The following BICD1 variants were observed in gnomAD, a reference collection of about 807,000 sequenced individuals.
The protein encoded by BICD1 is protein bicaudal D homolog 1.
A neutral mutation model predicts 92.5 loss-of-function variants in BICD1; 35 were observed. That is an observed-to-expected ratio of 0.38 (90% CI 0.29 to 0.50). The LOEUF (loss-of-function observed/expected upper bound fraction) is 0.50. BICD1 is among the 20% of genes least tolerant of loss of function. The pLI is 0.93. For missense variants in BICD1, 950 were observed against 1,189.8 expected (o/e 0.80, Z 2.97); for synonymous variants, 429 against 465.1 (o/e 0.92, Z 1.00).
chr12:32,114,129 C>T (rs957469035), intron 1 of BICD1, among the ~76,000 whole-genome samples: 3 of 152,054 alleles, frequency 2.0e-5, no homozygotes, highest in Admixed American at 6.5e-5. Flanking sequence ...CCTTGGCCTC[C>T]GAAAGTGCTG....
intron 1 of BICD1, among the ~76,000 whole-genome samples, chr12:32,146,465 C>T (rs1416145878): frequency 1.3e-5 from 2 of 152,218 alleles, no homozygotes; most frequent in African/African-American, 4.8e-5. Flanking sequence ...TTCTGAATCT[C>T]AGGATGACTA....
chr12:32,267,603 A>G (rs1004194569), intron 2 of BICD1, among the ~76,000 whole-genome samples: 1 of 152,064 alleles, frequency 6.6e-6, no homozygotes, highest in Non-Finnish European at 1.5e-5. Flanking sequence ...AGTTAAATTT[A>G]TCAATCCTTA....
intron 2 of BICD1, among the ~76,000 whole-genome samples, chr12:32,224,681 TTG>T (rs1440778598): frequency 6.6e-6 from 1 of 152,174 alleles, no homozygotes; most frequent in East Asian, 1.9e-4. Context: ...CATAGAATTT[TTG>T]TGTGTGTGTA....
intron 8 of BICD1, among the ~76,000 whole-genome samples, chr12:32,345,814 T>C (rs1938542752): frequency 1.3e-5 from 2 of 152,192 alleles, no homozygotes; most frequent in Admixed American, 6.5e-5. Context: ...AAACCATATA[T>C]GTAAATTTAA....
intron 2 of BICD1, among the ~76,000 whole-genome samples, chr12:32,249,236 TG>T (rs1946467615): frequency 1.3e-5 from 2 of 152,132 alleles, no homozygotes; most frequent in African/African-American, 2.4e-5. Context: ...ACAAACTCTG[TG>T]GTGCCCTAGG....
intron 8 of BICD1, among the ~76,000 whole-genome samples, chr12:32,352,082 G>A (rs1427759119): frequency 6.6e-6 from 1 of 151,862 alleles, no homozygotes; most frequent in Non-Finnish European, 1.5e-5. Flanking sequence ...GCGGGCGCCT[G>A]TAATCCCAGC....
rs1169577794 is a variant in BICD1, at chr12:32,115,389, T to TTTTG, written c.213+7848_213+7849insGTTT. On this transcript the variant is annotated intron_variant, in intron 1 of 9. Coordinates refer to ENST00000652176, the MANE Select transcript of BICD1 (RefSeq NM_001714.4). ...TTTTTGTGTGTGTGGTGTTTTTGGTTTTTTTTTTTTTGCTGTTTTTCTTCC... is the reference window on the plus strand; with the variant it reads ...TTTTTGTGTGTGTGGTGTTTTTGGTTTTTGTTTTTTTTTTTGCTGTTTTTCTTCC... Among the ~76,000 whole-genome samples, 61 of 31,140 alleles carry TTTTG rather than the reference T, an allele frequency of 2.0e-3. 1 individual carries two copies. Among genetic ancestry groups the TTTTG allele is most frequent in the East Asian group, 0.012 (14 of 1,160 alleles). The allele number at this position is 31,140 out of a possible 152,430, so 20.4% of individuals were successfully genotyped here.
chr12:32,130,975 T>C (rs1020755), intron 1 of BICD1, among the ~76,000 whole-genome samples: 43,932 of 151,814 alleles, frequency 0.29, 6,595 homozygotes, highest in Admixed American at 0.43. Flanking sequence ...GCTGGGACTA[T>C]AGGCATGCAC....
rs149522133 is a variant in BICD1, at chr12:32,112,297, C to T, written c.213+4753C>T. 5.2e-3 allele frequency among the ~76,000 whole-genome samples: 788 copies of T among 152,338 alleles called. 6 individuals carry two copies. The highest frequency in any genetic ancestry group is 0.018 in the African/African-American group (741 of 41,588). On this transcript the variant is annotated intron_variant, in intron 1 of 9. Transcript: ENST00000652176. ...CTGGGATTACAGGCGTGAGCCCCCA[C>T]GCCCAGCCCCTTCTTTTTATTTGAA...
At chr12:32,348,723 A>AAAAAATAT (rs1938731695) in intron 8 of BICD1, among the ~76,000 whole-genome samples, 9 of 118,008 alleles carry the variant, frequency 7.6e-5, no homozygotes, top group Admixed American at 5.3e-4. Context: ...CTCACACAAA[A>AAAAAATAT]ATATATATAT....
intron 8 of BICD1, among the ~76,000 whole-genome samples, chr12:32,357,102 C>T (rs191437950): frequency 5.9e-5 from 9 of 151,762 alleles, no homozygotes; most frequent in Non-Finnish European, 1.2e-4. Context: ...ACCTCCACCC[C>T]CCGGGTTCAA....
chr12:32,122,315 C>T (rs1942184062), intron 1 of BICD1, among the ~76,000 whole-genome samples: 1 of 151,842 alleles, frequency 6.6e-6, no homozygotes, highest in Admixed American at 6.6e-5. Context: ...GGTGAAACCC[C>T]CGTCTCTATG....
chr12:32,167,845 C>A (rs1943816244), intron 1 of BICD1, among the ~76,000 whole-genome samples: 1 of 152,190 alleles, frequency 6.6e-6, no homozygotes, highest in Non-Finnish European at 1.5e-5. Context: ...TGGTTAACAG[C>A]ACAGATTCTG....
chr12:32,187,549 A>G lies in BICD1; in HGVS notation c.214-28698A>G, dbSNP rs111909492. The stretch of plus-strand genomic sequence containing the variant: ...TATTCGGGCGTGGTGGCGCGCTCCT[A>G]TAATCCCAGCTACTCAGGAGGCTGA... On this transcript the variant is annotated intron_variant, in intron 1 of 9. Transcript: ENST00000652176. Among the ~76,000 whole-genome samples, 157 of 152,192 alleles carry G rather than the reference A, an allele frequency of 1.0e-3. 1 individual carries two copies. The highest frequency in any genetic ancestry group is 3.8e-3 in the African/African-American group (156 of 41,550).
At chr12:32,120,512 C>G (rs911341086) in intron 1 of BICD1, among the ~76,000 whole-genome samples, 7 of 152,146 alleles carry the variant, frequency 4.6e-5, no homozygotes, top group African/African-American at 1.7e-4. Context: ...TCAAATACCA[C>G]TATTGAAGAG....
intron 1 of BICD1, among the ~76,000 whole-genome samples, chr12:32,175,660 G>C (rs768251826): frequency 6.6e-6 from 1 of 152,120 alleles, no homozygotes; most frequent in Non-Finnish European, 1.5e-5. Flanking sequence ...TTCCAAATAC[G>C]TTGGGAAGGT....
chr12:32,197,332 A>C (rs923741912), intron 1 of BICD1, among the ~76,000 whole-genome samples: 1 of 152,074 alleles, frequency 6.6e-6, no homozygotes. Flanking sequence ...TATATTTTAA[A>C]TGTCTACATC....
intron 8 of BICD1, among the ~76,000 whole-genome samples, chr12:32,365,928 A>G (rs1322036926): frequency 6.6e-6 from 1 of 152,244 alleles, no homozygotes; most frequent in Non-Finnish European, 1.5e-5. Flanking sequence ...GTTATATTTG[A>G]AAGATTTTTA....
At chr12:32,162,986 AAAAAAAT>A (rs1943643732) in intron 1 of BICD1, among the ~76,000 whole-genome samples, 1 of 152,096 alleles carries the variant, frequency 6.6e-6, no homozygotes, top group African/African-American at 2.4e-5. Context: ...ACTCTGTCTT[AAAAAAAT>A]AAAAAATAAA....
Sources: allele counts gnomAD v4.1 joint callset (sites outside exome capture counted in the v4.1 genomes callset), GRCh38; gene constraint gnomAD v4.1.1; transcripts MANE v1.5; gene names NCBI Gene and HGNC (gene_info 2026-07-23, HGNC 2026-07-21).